The following ST8SIA6 variants were observed in gnomAD, a reference collection of about 807,000 sequenced individuals.
The protein encoded by ST8SIA6 is ST8 alpha-N-acetyl-neuraminide alpha-2,8-sialyltransferase 6, also known as alpha-2,8-sialyltransferase 8F.
In ST8SIA6, 39 loss-of-function variants were observed where a neutral mutation model predicts 33.6. The observed-to-expected ratio is 1.16, with a 90% CI of 0.90 to 1.52. The LOEUF (loss-of-function observed/expected upper bound fraction) is 1.52, where lower values mean the gene tolerates loss of function less well. Ranked by LOEUF, ST8SIA6 falls within the 40% of genes most tolerant of loss-of-function variation. ST8SIA6 has a pLI of 0.00. For synonymous variants in ST8SIA6, 172 were observed against 167.2 expected (o/e 1.03, Z -0.22); for missense variants, 441 against 443.8 (o/e 0.99, Z 0.06).
chr10:17,349,958 A>T (rs1331438936), intron 4 of ST8SIA6, among the ~76,000 whole-genome samples: 1 of 152,152 alleles, frequency 6.6e-6, no homozygotes, highest in Non-Finnish European at 1.5e-5. Context: ...ACACACATAC[A>T]CACACAAATG....
intron 3 of ST8SIA6, among the ~76,000 whole-genome samples, chr10:17,378,195 G>A (rs1849983595): frequency 6.6e-6 from 1 of 152,212 alleles, no homozygotes; most frequent in Admixed American, 6.5e-5. Context: ...ATTCTCATTA[G>A]CATACCGCAG....
At position 17,321,063 on chromosome 10, in the gene ST8SIA6, C is replaced by T. The variant is rs866114783; in HGVS notation, c.1012G>A (p.Val338Met). 4.2e-5 allele frequency: 68 copies of T among 1,613,958 alleles called. No individual in the cohort carries two copies. The highest frequency in any genetic ancestry group is 4.8e-5 in the Non-Finnish European group (57 of 1,179,998). The change falls in exon 8 of 8, where the codon GTG becomes ATG. Residue 338 changes from valine (V) to methionine (M), a missense_variant. Physicochemically the swap from Val to Met is conservative, Grantham distance 21 (BLOSUM62 1). Coordinates refer to ENST00000377602, the MANE Select transcript of ST8SIA6 (RefSeq NM_001004470.3). ...AAGGGCCAGAATCCATACAGCTTCA[C>T]ATTTTTACACAGTTCCACTGCAACA... is the stretch of plus-strand genomic sequence containing the variant. ...TSVAVELCKNVKLYGFWPFSK... is the reference protein window; with the variant it reads ...TSVAVELCKNMKLYGFWPFSK...
chr10:17,333,703 A>ATC lies in ST8SIA6; in HGVS notation c.378-2152_378-2151insGA, dbSNP rs1848391432. Among the ~76,000 whole-genome samples the ATC allele has an allele frequency of 4.1e-4, 10 of 24,376 alleles. 1 individual carries two copies. The highest frequency in any genetic ancestry group is 2.1e-3 in the African/African-American group (9 of 4,314). 16.0% of individuals were successfully genotyped at this position (24,376 alleles called of 152,430 possible). A position where few individuals can be genotyped will look rare whatever the true frequency, so the allele number is the denominator to read the frequency against. On this transcript the variant is annotated intron_variant, in intron 4 of 7. Transcript: ENST00000377602. ...TATATATATATATATATATATATAT[A>ATC]TATATATATATATATTTTTTTTTTT...
intron 4 of ST8SIA6, among the ~76,000 whole-genome samples, chr10:17,337,295 C>A (rs934317980): frequency 6.6e-6 from 1 of 152,132 alleles, no homozygotes; most frequent in African/African-American, 2.4e-5. Flanking sequence ...TATAAATTAC[C>A]CCATCTCGGT....
chr10:17,358,818 G>T (rs11254549), intron 4 of ST8SIA6, among the ~76,000 whole-genome samples: 1 of 151,540 alleles, frequency 6.6e-6, no homozygotes, highest in Non-Finnish European at 1.5e-5. Context: ...AAGAAGCCCC[G>T]CCCCCCAAAA....
At chr10:17,402,292 A>G (rs2131680453) in intron 2 of ST8SIA6, among the ~76,000 whole-genome samples, 1 of 152,344 alleles carries the variant, frequency 6.6e-6, no homozygotes, top group African/African-American at 2.4e-5. Flanking sequence ...GGTGCTGGAG[A>G]GGATGTGGAG....
chr10:17,433,182 A>T (rs536940673), intron 2 of ST8SIA6, among the ~76,000 whole-genome samples: 2 of 152,270 alleles, frequency 1.3e-5, no homozygotes, highest in Non-Finnish European at 2.9e-5. Flanking sequence ...GAACATTTTA[A>T]ATCTGGGGGA....
At chr10:17,405,169 A>T (rs1368134007) in intron 2 of ST8SIA6, among the ~76,000 whole-genome samples, 1 of 152,004 alleles carries the variant, frequency 6.6e-6, no homozygotes, top group Non-Finnish European at 1.5e-5. Context: ...AGGAGTTCGA[A>T]AGCAGCCTGA....
At chr10:17,404,645 T>G (rs1324989186) in intron 2 of ST8SIA6, among the ~76,000 whole-genome samples, 1 of 152,152 alleles carries the variant, frequency 6.6e-6, no homozygotes, top group Non-Finnish European at 1.5e-5. Context: ...CTAGTCAGCC[T>G]TACCCAGAAT....
Position 17,393,831 on chromosome 10 carries a change from A to T in ST8SIA6, c.201-3211T>A, listed in dbSNP as rs145073070. 3.9e-5 allele frequency among the ~76,000 whole-genome samples: 6 copies of T among 152,348 alleles called. No individual in the cohort carries two copies. In the East Asian group the frequency reaches 1.2e-3, roughly 29 times the overall value. On this transcript the variant is annotated intron_variant, in intron 2 of 7. Coordinates refer to ENST00000377602, the MANE Select transcript of ST8SIA6 (RefSeq NM_001004470.3). The stretch of plus-strand genomic sequence containing the variant: ...AATCCTTTCTAAAAACTGCCTGCAG[A>T]GTACACATGGGCTCACAAAAGTCCC...
intron 5 of ST8SIA6, among the ~76,000 whole-genome samples, chr10:17,329,268 C>T (rs755901198): frequency 1.3e-5 from 2 of 152,188 alleles, no homozygotes; most frequent in East Asian, 1.9e-4. Flanking sequence ...TTTACAGATG[C>T]GAAAATGGAG....
chr10:17,348,492 A>C (rs1300249325), intron 4 of ST8SIA6, among the ~76,000 whole-genome samples: 1 of 152,188 alleles, frequency 6.6e-6, no homozygotes, highest in East Asian at 1.9e-4. Flanking sequence ...CCAGCAATGC[A>C]CGTATATTTC....
chr10:17,359,282 T>G (rs576151559), intron 4 of ST8SIA6, among the ~76,000 whole-genome samples: 1 of 152,308 alleles, frequency 6.6e-6, no homozygotes, highest in African/African-American at 2.4e-5. Flanking sequence ...CTAAAATCTT[T>G]CTTTTGAATT....
chr10:17,354,967 C>T (rs1849148069), intron 4 of ST8SIA6, among the ~76,000 whole-genome samples: 1 of 152,138 alleles, frequency 6.6e-6, no homozygotes, highest in Non-Finnish European at 1.5e-5. Context: ...GAGACTCAAG[C>T]GCCAAGCTGC....
At chr10:17,333,713 ATATAT>A (rs1382126381) in intron 4 of ST8SIA6, among the ~76,000 whole-genome samples, 9 of 25,688 alleles carry the variant, frequency 3.5e-4, no homozygotes, top group Non-Finnish European at 4.3e-4. Context: ...ATATATATAT[ATATAT>A]TTTTTTTTTT....
chr10:17,431,288 A>T (rs1384124469), intron 2 of ST8SIA6, among the ~76,000 whole-genome samples: 2 of 152,212 alleles, frequency 1.3e-5, no homozygotes, highest in Non-Finnish European at 2.9e-5. Context: ...TAAGGGAAAG[A>T]AAGTCAGGGC....
intron 4 of ST8SIA6, among the ~76,000 whole-genome samples, chr10:17,355,545 G>A (rs538431458): frequency 4.6e-5 from 7 of 152,226 alleles, no homozygotes; most frequent in East Asian, 1.9e-4. Context: ...CATAGCTACC[G>A]TTGATGTTGT....
At chr10:17,356,785 C>T (rs1289388239) in intron 4 of ST8SIA6, among the ~76,000 whole-genome samples, 1 of 151,786 alleles carries the variant, frequency 6.6e-6, no homozygotes, top group Non-Finnish European at 1.5e-5. Flanking sequence ...GAAAATGGTA[C>T]TAAGGTAATA....
In ST8SIA6 at chr10:17,397,446, G is replaced by A. The variant is rs183925773; in HGVS notation, c.201-6826C>T. ...GACAGGATTTTACCATGTTGGCCAG[G>A]CTGGTCTCGAACTCCTGACCTCAGG... On this transcript the variant is annotated intron_variant, in intron 2 of 7. Transcript: ENST00000377602. 1.5e-3 allele frequency among the ~76,000 whole-genome samples: 232 copies of A among 152,150 alleles called. 1 individual carries two copies. Among genetic ancestry groups the A allele is most frequent in the South Asian group, 6.0e-3 (29 of 4,798 alleles).
Sources: gnomAD v4.1 joint callset for allele counts (sites outside exome capture counted in the v4.1 genomes callset) on GRCh38, gnomAD v4.1.1 for gene constraint, MANE v1.5 for transcripts, NCBI Gene and HGNC (gene_info 2026-07-23, HGNC 2026-07-21) for gene names.